Variants in GRIA4 observed in about 807,000 individuals in gnomAD.
GRIA4 encodes the protein glutamate ionotropic receptor AMPA type subunit 4, also known as glutamate receptor 4.
GRIA4 carries 34 observed loss-of-function variants against 104.0 expected under a neutral mutation model. That is an observed-to-expected ratio of 0.33 (90% confidence interval 0.25 to 0.44). GRIA4 has a LOEUF of 0.44. Ranked by LOEUF, GRIA4 falls within the 20% of genes least tolerant of loss-of-function variation. The probability of loss-of-function intolerance (pLI) is 1.00; values close to 1 mark genes in which losing one functional copy is unlikely to be tolerated. For missense variants in GRIA4, 750 were observed against 1,096.5 expected (o/e 0.68, Z 4.46); for synonymous variants, 386 against 381.9 (o/e 1.01, Z -0.13).
intron 4 of GRIA4, among the ~76,000 whole-genome samples, chr11:105,809,107 G>T (rs572866979): frequency 1.3e-5 from 2 of 151,924 alleles, no homozygotes; most frequent in Non-Finnish European, 2.9e-5. Flanking sequence ...TGGGTGCAGG[G>T]TATTTAGGAA....
chr11:105,957,550 C>T (rs1326344886), intron 14 of GRIA4, among the ~76,000 whole-genome samples: 1 of 152,128 alleles, frequency 6.6e-6, no homozygotes, highest in Non-Finnish European at 1.5e-5. Flanking sequence ...AGTGTGATGC[C>T]TCCAGCTTTG....
At chr11:105,929,446 T>C (rs1248908545) in intron 13 of GRIA4, among the ~76,000 whole-genome samples, 4 of 152,120 alleles carry the variant, frequency 2.6e-5, no homozygotes, top group Non-Finnish European at 5.9e-5. Context: ...ATACTTCATG[T>C]TTTATGTGCC....
chr11:105,834,148 A>C (rs1944087481), intron 4 of GRIA4, among the ~76,000 whole-genome samples: 1 of 152,076 alleles, frequency 6.6e-6, no homozygotes, highest in South Asian at 2.1e-4. Flanking sequence ...GAATTGACAG[A>C]GGAGCTGACA....
At chr11:105,766,636 T>C (rs1373253347) in intron 4 of GRIA4, among the ~76,000 whole-genome samples, 1 of 152,148 alleles carries the variant, frequency 6.6e-6, no homozygotes, top group East Asian at 1.9e-4. Flanking sequence ...AGAAGTGAAC[T>C]AAAGGTAGAG....
intron 6 of GRIA4, among the ~76,000 whole-genome samples, chr11:105,890,765 AATGG>A (rs568376665): frequency 1.0e-3 from 152 of 152,316 alleles, no homozygotes; most frequent in African/African-American, 3.3e-3. Flanking sequence ...TATCTAATTG[AATGG>A]GCATGCCCCT....
At chr11:105,660,283 G>A (rs1951968579) in intron 3 of GRIA4, among the ~76,000 whole-genome samples, 1 of 151,662 alleles carries the variant, frequency 6.6e-6, no homozygotes, top group Non-Finnish European at 1.5e-5. Flanking sequence ...TAAAGAGCAG[G>A]TGCTAAAAAG....
chr11:105,745,292 TTCTG>T (rs879388394), intron 3 of GRIA4, among the ~76,000 whole-genome samples: 3 of 152,218 alleles, frequency 2.0e-5, no homozygotes, highest in South Asian at 2.1e-4. Flanking sequence ...TTTTTAAATC[TTCTG>T]TCTAACTACT....
At chr11:105,932,466 C>T (rs1947908798) in intron 13 of GRIA4, among the ~76,000 whole-genome samples, 1 of 152,054 alleles carries the variant, frequency 6.6e-6, no homozygotes, top group Non-Finnish European at 1.5e-5. Flanking sequence ...CCAGTGCTTT[C>T]CTATATTAAT....
chr11:105,657,430 C>A lies in GRIA4; in HGVS notation c.247+44996C>A, dbSNP rs78449541. Among the ~76,000 whole-genome samples, 1,064 of 151,974 alleles carry A rather than the reference C, an allele frequency of 7.0e-3. 16 individuals are homozygous for A. The highest frequency in any genetic ancestry group is 0.046 in the East Asian group (240 of 5,170). On this transcript the variant is annotated intron_variant, in intron 3 of 16. Transcript: ENST00000282499. The stretch of plus-strand genomic sequence containing the variant: ...TAATATATTATTCAAAAATATTTTA[C>A]AAATATTTTGATACATTTTTATCTT...
At chr11:105,641,314 T>C (rs1951352222) in intron 3 of GRIA4, among the ~76,000 whole-genome samples, 1 of 152,128 alleles carries the variant, frequency 6.6e-6, no homozygotes, top group African/African-American at 2.4e-5. Context: ...CTTAAATTCT[T>C]CTATTGCATT....
intron 4 of GRIA4, among the ~76,000 whole-genome samples, chr11:105,814,790 A>T (rs1256324640): frequency 6.6e-6 from 1 of 152,188 alleles, no homozygotes; most frequent in Non-Finnish European, 1.5e-5. Context: ...AATCCTGTAT[A>T]GCCCTTTCCC....
intron 13 of GRIA4, 80 bp downstream of exon 13, chr11:105,927,019 CT>C: frequency 2.3e-6 from 2 of 865,936 alleles, no homozygotes; most frequent in Non-Finnish European, 1.9e-6. Flanking sequence ...ATACCATGGG[CT>C]TTAGCTATTA....
chr11:105,868,981 T>G (rs1042790188), intron 5 of GRIA4, among the ~76,000 whole-genome samples: 1 of 152,154 alleles, frequency 6.6e-6, no homozygotes, highest in Non-Finnish European at 1.5e-5. Context: ...AGTCCTATTA[T>G]GATGCACTAG....
intron 14 of GRIA4, among the ~76,000 whole-genome samples, chr11:105,935,391 T>C (rs1265020580): frequency 6.6e-6 from 1 of 152,128 alleles, no homozygotes; most frequent in Admixed American, 6.6e-5. Context: ...AAATAAATTA[T>C]CCATAATATA....
intron 4 of GRIA4, among the ~76,000 whole-genome samples, chr11:105,784,671 A>C (rs570634425): frequency 2.0e-5 from 3 of 152,258 alleles, no homozygotes; most frequent in African/African-American, 7.2e-5. Flanking sequence ...TAAACTATCA[A>C]TTTTGCACAA....
intron 14 of GRIA4, among the ~76,000 whole-genome samples, chr11:105,940,616 T>C (rs1228381206): frequency 6.6e-6 from 1 of 152,166 alleles, no homozygotes; most frequent in Non-Finnish European, 1.5e-5. Context: ...TATATGATGC[T>C]GCTTTAATGC....
At chr11:105,911,281 T>A (rs892981750) in intron 10 of GRIA4, among the ~76,000 whole-genome samples, 1 of 152,078 alleles carries the variant, frequency 6.6e-6, no homozygotes, top group Non-Finnish European at 1.5e-5. Flanking sequence ...GAGATTCTCA[T>A]GAAATTACCT....
intron 4 of GRIA4, among the ~76,000 whole-genome samples, chr11:105,787,097 G>C (rs995274380): frequency 6.6e-6 from 1 of 152,106 alleles, no homozygotes; most frequent in African/African-American, 2.4e-5. Flanking sequence ...ACTATAACCT[G>C]GTAGGCCAAG....
At chr11:105,829,669 C>T (rs1002628480) in intron 4 of GRIA4, among the ~76,000 whole-genome samples, 1 of 151,868 alleles carries the variant, frequency 6.6e-6, no homozygotes, top group African/African-American at 2.4e-5. Flanking sequence ...CATATACTAA[C>T]AGAGGTGCTG....
Sources: allele counts gnomAD v4.1 joint callset (sites outside exome capture counted in the v4.1 genomes callset), GRCh38; gene constraint gnomAD v4.1.1; transcripts MANE v1.5; gene names NCBI Gene and HGNC (gene_info 2026-07-23, HGNC 2026-07-21).